CAMTA1: variants seen among roughly 807,000 people sequenced by gnomAD.
CAMTA1 encodes the protein calmodulin binding transcription activator 1, also known as calmodulin-binding transcription activator 1.
CAMTA1 carries 27 observed loss-of-function variants against 170.9 expected under a neutral mutation model. The ratio of observed to expected loss-of-function variants is 0.16; its 90% CI spans 0.12 to 0.22. The LOEUF is 0.22. Among genes scored for constraint, CAMTA1 ranks in the 10% least tolerant of loss-of-function variants. CAMTA1 has a pLI of 1.00. For synonymous variants in CAMTA1, 833 were observed against 891.5 expected, an observed-to-expected ratio of 0.93 and a Z score of 1.17; for missense variants, 1,619 against 2,217.2, an observed-to-expected ratio of 0.73 and a Z score of 5.42.
chr1:7,272,345 C>T (rs1022009886), intron 5 of CAMTA1, among the ~76,000 whole-genome samples: 4 of 152,032 alleles, frequency 2.6e-5, no homozygotes, highest in South Asian at 2.1e-4. Flanking sequence ...ACAGATTCAA[C>T]GTAATCTTTA....
chr1:7,736,337 G>T lies in CAMTA1; in HGVS notation c.3067-7G>T, dbSNP rs1159851326. On this transcript the variant is annotated splice_polypyrimidine_tract_variant and splice_region_variant and intron_variant, in intron 12 of 22. Transcript: ENST00000303635. The surrounding 1 kb of genome is among the most constrained non-coding windows in gnomAD (Gnocchi z 4.5). Reference sequence around the variant, plus strand: ...CTGAGGTCGTAACGTGCGCTTTTTTGTGACAGTGTGCTTCTGGGACTGGGG... The same window carrying T: ...CTGAGGTCGTAACGTGCGCTTTTTTTTGACAGTGTGCTTCTGGGACTGGGG... 1 of 1,613,138 alleles carries T rather than the reference G, an allele frequency of 6.2e-7. No individual in the cohort carries two copies. Among genetic ancestry groups the T allele is most frequent in the Middle Eastern group, 1.7e-4 (1 of 6,058 alleles).
chr1:7,645,102 G>C (rs1362101674), intron 7 of CAMTA1, among the ~76,000 whole-genome samples: 1 of 152,234 alleles, frequency 6.6e-6, no homozygotes, highest in Non-Finnish European at 1.5e-5. Flanking sequence ...CATAGTGTGA[G>C]TGAGGAGCTG....
intron 5 of CAMTA1, among the ~76,000 whole-genome samples, chr1:7,315,955 A>G (rs1041177197): frequency 2.0e-5 from 3 of 152,200 alleles, no homozygotes; most frequent in Non-Finnish European, 4.4e-5. Flanking sequence ...ACGGTTCCAT[A>G]TGGCTGGGGA....
Position 7,104,093 on chromosome 1 carries a change from CAT to C in CAMTA1, c.302+12724_302+12725del, listed in dbSNP as rs1216429498. ...ACTACACAGATGTACACACAACACA[CAT>C]ACACAACTACACACATGTACACACA... On this transcript the variant is annotated intron_variant, in intron 4 of 22. Transcript: ENST00000303635. Among the ~76,000 whole-genome samples the C allele has an allele frequency of 6.8e-5, 10 of 147,198 alleles. No homozygotes were observed. The East Asian group carries it at 1.2e-3, about 18-fold the overall frequency.
intron 3 of CAMTA1, among the ~76,000 whole-genome samples, chr1:6,996,357 G>A (rs1179945229): frequency 6.6e-6 from 1 of 152,128 alleles, no homozygotes; most frequent in Middle Eastern, 3.2e-3. Context: ...CAGATACTTC[G>A]CTGAGTTCAA....
intron 2 of CAMTA1, among the ~76,000 whole-genome samples, chr1:6,824,265 A>C (rs964825330): frequency 5.3e-5 from 8 of 152,194 alleles, no homozygotes; most frequent in Non-Finnish European, 1.2e-4. Flanking sequence ...ATTTTGAGTC[A>C]GGCAAAGAAA....
chr1:7,242,953 C>T (rs1239383176), intron 4 of CAMTA1, among the ~76,000 whole-genome samples: 1 of 151,948 alleles, frequency 6.6e-6, no homozygotes, highest in Non-Finnish European at 1.5e-5. Flanking sequence ...CAAAGCAAGA[C>T]TCCATCTCAA....
At chr1:6,835,818 G>A (rs920724325) in intron 3 of CAMTA1, among the ~76,000 whole-genome samples, 4 of 152,130 alleles carry the variant, frequency 2.6e-5, no homozygotes, top group African/African-American at 9.7e-5. Context: ...GAATGCATAG[G>A]TTTTATTTTT....
intron 5 of CAMTA1, among the ~76,000 whole-genome samples, chr1:7,273,658 T>C (rs1221880142): frequency 6.6e-6 from 1 of 152,202 alleles, no homozygotes; most frequent in Non-Finnish European, 1.5e-5. Context: ...AATTAGCTTA[T>C]GGTGACAGTT....
chr1:7,578,886 T>C (rs2095229642), intron 6 of CAMTA1, among the ~76,000 whole-genome samples: 1 of 152,152 alleles, frequency 6.6e-6, no homozygotes, highest in Non-Finnish European at 1.5e-5. Flanking sequence ...AACTGTTGCA[T>C]TGGGAATTAA....
intron 5 of CAMTA1, among the ~76,000 whole-genome samples, chr1:7,321,242 C>T (rs74653650): frequency 0.034 from 5,145 of 152,284 alleles, 288 homozygotes; most frequent in African/African-American, 0.12. Context: ...ATTTCTTCTA[C>T]TCAACAAGGC....
intron 6 of CAMTA1, among the ~76,000 whole-genome samples, chr1:7,620,319 CAAAG>C (rs931799556): frequency 1.4e-4 from 22 of 152,174 alleles, no homozygotes; most frequent in African/African-American, 5.1e-4. Context: ...AGCCCCACAA[CAAAG>C]AGTTATACAG....
At position 7,251,867 on chromosome 1, in the gene CAMTA1, A is replaced by ATATG. The variant is rs1190394300; in HGVS notation, c.438+2243_438+2246dup. Among the ~76,000 whole-genome samples, 1 of 151,524 alleles carries ATATG rather than the reference A, an allele frequency of 6.6e-6. No homozygotes were observed. The highest frequency in any genetic ancestry group is 2.4e-5 in the African/African-American group (1 of 41,246). ...CGGGTGGGACTCTGTGTGTGTGTATATATGTTTGTGTGTGTGTGTGTGCGT... is the reference window on the plus strand; with the variant it reads ...CGGGTGGGACTCTGTGTGTGTGTATATATGTATGTTTGTGTGTGTGTGTGTGCGT... On this transcript the variant is annotated intron_variant, in intron 5 of 22. Transcript: ENST00000303635. This position sits in a 1 kb window ranked among gnomAD's most constrained non-coding sequence, Gnocchi z 5.1.
chr1:6,842,651 C>T (rs759971955), intron 3 of CAMTA1, among the ~76,000 whole-genome samples: 10 of 152,160 alleles, frequency 6.6e-5, no homozygotes, highest in Non-Finnish European at 1.3e-4. Flanking sequence ...CCAGGCGTGG[C>T]GGCTCATACC....
rs997643584 is a variant in CAMTA1, at chr1:7,224,649, C to T, written c.303-24842C>T. On this transcript the variant is annotated intron_variant, in intron 4 of 22. Transcript: ENST00000303635. The surrounding 1 kb of genome is among the most constrained non-coding windows in gnomAD (Gnocchi z 5.2). The stretch of plus-strand genomic sequence containing the variant: ...GCGGGGTCCCAGGTTGGAGGCGTGA[C>T]ACCCGCGCCTCTCCGCTGGTGTCAT... Among the ~76,000 whole-genome samples the T allele has an allele frequency of 6.6e-6, 1 of 152,074 alleles. No individual in the cohort carries two copies. The highest frequency in any genetic ancestry group is 2.4e-5 in the African/African-American group (1 of 41,406).
chr1:7,467,185 C>A (rs2093231341), intron 5 of CAMTA1, among the ~76,000 whole-genome samples: 1 of 152,208 alleles, frequency 6.6e-6, no homozygotes, highest in South Asian at 2.1e-4. Flanking sequence ...CTTCTCCAAC[C>A]TGGCTCTGGC....
intron 5 of CAMTA1, among the ~76,000 whole-genome samples, chr1:7,357,509 T>C (rs2085211951): frequency 1.3e-5 from 2 of 152,082 alleles, no homozygotes; most frequent in Admixed American, 6.5e-5. Flanking sequence ...TAAATAGGGG[T>C]CACGATTTCC....
chr1:7,590,020 A>G lies in CAMTA1; in HGVS notation c.511-50380A>G, dbSNP rs529767861. 1.1e-3 allele frequency among the ~76,000 whole-genome samples: 167 copies of G among 152,280 alleles called. 1 individual carries two copies. Among genetic ancestry groups the G allele is most frequent in the South Asian group, 7.5e-3 (36 of 4,818 alleles). On this transcript the variant is annotated intron_variant, in intron 6 of 22. Transcript: ENST00000303635. ...GCACACCCTGGCTTGGTACGATCGC[A>G]TGGAGCTTGCCCCTGAAAGAAGAAC...
At chr1:6,798,584 A>ATTTT (rs548325478) in intron 1 of CAMTA1, among the ~76,000 whole-genome samples, 2 of 117,610 alleles carry the variant, frequency 1.7e-5, no homozygotes, top group African/African-American at 3.4e-5. Context: ...CACCTGGCTA[A>ATTTT]TTTTTTTTTT....
Sources: allele counts gnomAD v4.1 joint callset (sites outside exome capture counted in the v4.1 genomes callset), GRCh38; gene constraint gnomAD v4.1.1; non-coding constraint Gnocchi (gnomAD v3.1); transcripts MANE v1.5; gene names NCBI Gene and HGNC (gene_info 2026-07-23, HGNC 2026-07-21).